The following TMEM87B variants were observed in gnomAD, a reference collection of about 807,000 sequenced individuals.
The protein encoded by TMEM87B is transmembrane protein 87B.
A neutral mutation model predicts 80.3 loss-of-function variants in TMEM87B; 83 were observed. The ratio of observed to expected loss-of-function variants is 1.03; its 90% CI spans 0.87 to 1.24. The LOEUF (loss-of-function observed/expected upper bound fraction) is 1.24. Ranked by LOEUF, TMEM87B falls within the 50% of genes most tolerant of loss-of-function variation. The pLI, the probability that TMEM87B is intolerant of heterozygous loss-of-function variation, is 0.00. For synonymous variants in TMEM87B, 219 were observed against 230.5 expected (o/e 0.95, Z 0.45); for missense variants, 625 against 674.4 (o/e 0.93, Z 0.81).
intron 4 of TMEM87B, among the ~76,000 whole-genome samples, chr2:112,074,098 G>T (rs1678739377): frequency 6.6e-6 from 1 of 151,972 alleles, no homozygotes; most frequent in Non-Finnish European, 1.5e-5. Context: ...GACATTGTGG[G>T]TTTGATCGTG....
chr2:112,090,371 ATTGGTTGATTGGTTGG>A (rs1472227892), intron 10 of TMEM87B, among the ~76,000 whole-genome samples: 1 of 134,394 alleles, frequency 7.4e-6, no homozygotes, highest in Admixed American at 7.6e-5. Flanking sequence ...TGGTTGTCTC[ATTGGTTGATTGGTTGG>A]TTGGTTGGTT....
intron 11 of TMEM87B, among the ~76,000 whole-genome samples, chr2:112,092,268 C>T (rs1442610914): frequency 6.6e-6 from 1 of 152,080 alleles, no homozygotes. Flanking sequence ...AAGAGGTATT[C>T]TAGGAAGAAC....
intron 11 of TMEM87B, among the ~76,000 whole-genome samples, chr2:112,095,017 C>T (rs1219712600): frequency 1.3e-5 from 2 of 151,440 alleles, no homozygotes; most frequent in Non-Finnish European, 2.9e-5. Context: ...TTAATATAAC[C>T]AATCCTCTAA....
At chr2:112,067,870 C>G (rs1340371514) in intron 4 of TMEM87B, among the ~76,000 whole-genome samples, 1 of 152,200 alleles carries the variant, frequency 6.6e-6, no homozygotes, top group African/African-American at 2.4e-5. Flanking sequence ...ACTAACTCCT[C>G]CTTTATGCCT....
At chr2:112,064,991 C>G (rs1678376280) in intron 3 of TMEM87B, among the ~76,000 whole-genome samples, 1 of 152,108 alleles carries the variant, frequency 6.6e-6, no homozygotes, top group African/African-American at 2.4e-5. Flanking sequence ...TGAGATCTCT[C>G]TCTGTCACCC....
intron 15 of TMEM87B, among the ~76,000 whole-genome samples, chr2:112,103,264 A>G (rs2104501143): frequency 6.6e-6 from 1 of 152,368 alleles, no homozygotes; most frequent in South Asian, 2.1e-4. Context: ...AACCTCTGCA[A>G]TGAAGACTAT....
intron 6 of TMEM87B, among the ~76,000 whole-genome samples, chr2:112,078,234 TA>T (rs1678880423): frequency 2.0e-5 from 3 of 152,212 alleles, no homozygotes; most frequent in African/African-American, 7.2e-5. Flanking sequence ...TGACACTGGG[TA>T]ATTTATAAAG....
At chr2:112,063,252 A>G (rs1678311263) in intron 2 of TMEM87B, among the ~76,000 whole-genome samples, 1 of 152,214 alleles carries the variant, frequency 6.6e-6, no homozygotes, top group South Asian at 2.1e-4. Flanking sequence ...CTGTGGCTGC[A>G]TCTTTGCTCT....
intron 11 of TMEM87B, among the ~76,000 whole-genome samples, chr2:112,094,786 A>G (rs1255520124): frequency 6.6e-6 from 1 of 152,238 alleles, no homozygotes; most frequent in Non-Finnish European, 1.5e-5. Context: ...AGACAAAGGA[A>G]GTCTAGTGTC....
At position 112,089,699 on chromosome 2, in the gene TMEM87B, G is replaced by C. The variant is rs115636351; in HGVS notation, c.1013G>C (p.Gly338Ala). 2.6e-4 allele frequency: 415 copies of C among 1,614,152 alleles called. 1 individual carries two copies. The highest frequency in any genetic ancestry group is 2.1e-3 in the Middle Eastern group (13 of 6,062). ...LLYLIFAAVE[G>A]VMRVIGGSNH... Reference sequence around the variant, plus strand: ...TACTTAATCTTTGCAGCTGTTGAAGGCGTGATGAGAGTCATTGGGGTAAAA... The same window carrying C: ...TACTTAATCTTTGCAGCTGTTGAAGCCGTGATGAGAGTCATTGGGGTAAAA... The change falls in exon 10 of 19, where the codon GGC becomes GCC. Residue 338 changes from glycine to alanine, a missense_variant. Transcript: ENST00000283206.
At chr2:112,096,751 C>A (rs1480153194) in intron 11 of TMEM87B, among the ~76,000 whole-genome samples, 1 of 152,244 alleles carries the variant, frequency 6.6e-6, no homozygotes, top group Non-Finnish European at 1.5e-5. Flanking sequence ...GTGCACTGCT[C>A]TATCCCGTGT....
chr2:112,086,089 G>A lies in TMEM87B; in HGVS notation c.923G>A (p.Gly308Asp). 1.2e-6 allele frequency: 2 copies of A among 1,614,178 alleles called. No individual in the cohort carries two copies. The highest frequency in any genetic ancestry group is 1.7e-6 in the Non-Finnish European group (2 of 1,180,026). Residue 308 changes from glycine (G) to aspartate (D), a missense_variant, in exon 9 of 19, where the codon GGC (glycine) becomes GAC (aspartate). Coordinates refer to ENST00000283206, the MANE Select transcript of TMEM87B (RefSeq NM_032824.3). ...ARLLVIIVSL[G>D]YGIVKPRLGT... is the part of the protein sequence containing the mutation. Reference sequence around the variant, plus strand: ...CTTCTCGTGATCATTGTGAGCCTGGGCTATGGCATTGTGAAGTAAGTACTG... The same window carrying A: ...CTTCTCGTGATCATTGTGAGCCTGGACTATGGCATTGTGAAGTAAGTACTG...
At chr2:112,097,178 T>C in intron 12 of TMEM87B, 26 bp downstream of exon 12, 1 of 1,596,182 alleles carries the variant, frequency 6.3e-7, no homozygotes, top group Non-Finnish European at 8.5e-7. Flanking sequence ...TTTCTTACAG[T>C]AAATTATCTT....
chr2:112,057,104 T>C (rs1274762556), intron 1 of TMEM87B, among the ~76,000 whole-genome samples: 1 of 152,238 alleles, frequency 6.6e-6, no homozygotes, highest in African/African-American at 2.4e-5. Context: ...GAGTGCTGCA[T>C]GACCTTTAGG....
At chr2:112,097,394 A>G (rs926952302) in intron 13 of TMEM87B, 103 bp downstream of exon 13, 3 of 1,047,990 alleles carry the variant, frequency 2.9e-6, no homozygotes, top group African/African-American at 3.4e-5. Context: ...ATTTTAATGG[A>G]GATTTATGTT....
chr2:112,100,210 C>G (rs892073314), intron 14 of TMEM87B, among the ~76,000 whole-genome samples: 1 of 152,164 alleles, frequency 6.6e-6, no homozygotes, highest in African/African-American at 2.4e-5. Flanking sequence ...GTATTTTGAG[C>G]TTATCACCCT....
At chr2:112,108,956 A>G (rs755695496) in intron 17 of TMEM87B, among the ~76,000 whole-genome samples, 11 of 152,196 alleles carry the variant, frequency 7.2e-5, no homozygotes, top group African/African-American at 1.7e-4. Flanking sequence ...AACTTCTCCA[A>G]ACTTTTTGTT....
At chr2:112,071,927 G>T (rs977957733) in intron 4 of TMEM87B, among the ~76,000 whole-genome samples, 1 of 151,918 alleles carries the variant, frequency 6.6e-6, no homozygotes, top group Non-Finnish European at 1.5e-5. Context: ...GTTTGTCATA[G>T]GTGGCTCTTA....
chr2:112,101,805 G>A (rs2104499731), intron 15 of TMEM87B, among the ~76,000 whole-genome samples: 1 of 152,212 alleles, frequency 6.6e-6, no homozygotes, highest in South Asian at 2.1e-4. Context: ...AAATGATAGA[G>A]AGGACATTAC....
Sources: allele counts gnomAD v4.1 joint callset (sites outside exome capture counted in the v4.1 genomes callset), GRCh38; gene constraint gnomAD v4.1.1; transcripts MANE v1.5; gene names NCBI Gene and HGNC (gene_info 2026-07-23, HGNC 2026-07-21).